Variants in RORA observed in about 807,000 individuals in gnomAD.
RORA encodes the protein RAR related orphan receptor A.
In RORA, 7 loss-of-function variants were observed where a neutral mutation model predicts 69.5. The ratio of observed to expected loss-of-function variants is 0.10; its 90% CI spans 0.06 to 0.19. The LOEUF is 0.19. RORA is among the 10% of genes least tolerant of loss of function. The pLI, the probability that RORA is intolerant of heterozygous loss-of-function variation, is 1.00. For missense variants in RORA, 457 were observed against 663.0 expected (o/e 0.69, Z 3.41); for synonymous variants, 261 against 240.8 (o/e 1.08, Z -0.78).
At chr15:61,004,580 G>A (rs1252895761) in intron 1 of RORA, among the ~76,000 whole-genome samples, 1 of 151,962 alleles carries the variant, frequency 6.6e-6, no homozygotes, top group Non-Finnish European at 1.5e-5. Context: ...GGCCTGGGAG[G>A]GTACTCTGAA....
intron 1 of RORA, among the ~76,000 whole-genome samples, chr15:60,815,969 T>TA (rs1225775872): frequency 2.5e-4 from 32 of 129,220 alleles, no homozygotes; most frequent in African/African-American, 8.0e-4. Flanking sequence ...AGTATATGTA[T>TA]TTATTTACTA....
chr15:60,707,839 T>G (rs563578789), intron 1 of RORA, among the ~76,000 whole-genome samples: 1 of 152,302 alleles, frequency 6.6e-6, no homozygotes, highest in East Asian at 1.9e-4. Context: ...CAGCCTGGAA[T>G]ATCACCCTAC....
At chr15:60,825,042 A>G (rs972192420) in intron 1 of RORA, among the ~76,000 whole-genome samples, 1 of 152,220 alleles carries the variant, frequency 6.6e-6, no homozygotes, top group African/African-American at 2.4e-5. Flanking sequence ...ACTTACCTCA[A>G]GTGATGAGAG....
rs78891754 is a variant in RORA, at chr15:60,864,751, A to G, written c.167-186065T>C. 8.1e-4 allele frequency among the ~76,000 whole-genome samples: 123 copies of G among 152,328 alleles called. 2 individuals carry two copies. The East Asian group carries it at 0.019, about 23-fold the overall frequency. ...ATACATATGAACTTACACATGATCTATCAGGAAGGAAGAAGACAGGAGCCC... is the reference window on the plus strand; with the variant it reads ...ATACATATGAACTTACACATGATCTGTCAGGAAGGAAGAAGACAGGAGCCC... On this transcript the variant is annotated intron_variant, in intron 1 of 10. Transcript: ENST00000335670.
At chr15:60,544,402 C>T (rs542643704) in intron 2 of RORA, among the ~76,000 whole-genome samples, 3 of 117,898 alleles carry the variant, frequency 2.5e-5, no homozygotes, top group East Asian at 4.2e-4. Context: ...CTGTTCTCTT[C>T]GAGATCCAGA....
intron 1 of RORA, among the ~76,000 whole-genome samples, chr15:61,027,180 T>C (rs1895865497): frequency 6.6e-6 from 1 of 152,242 alleles, no homozygotes; most frequent in African/African-American, 2.4e-5. Flanking sequence ...CATGCGCCAA[T>C]AGTATTAGTT....
intron 2 of RORA, among the ~76,000 whole-genome samples, chr15:60,554,928 T>G (rs1327669051): frequency 6.6e-6 from 1 of 152,044 alleles, no homozygotes; most frequent in Non-Finnish European, 1.5e-5. Context: ...TACCATAGGA[T>G]AAAATTAAAA....
intron 5 of RORA, among the ~76,000 whole-genome samples, chr15:60,507,762 A>T (rs2065557877): frequency 6.6e-6 from 1 of 152,164 alleles, no homozygotes; most frequent in Non-Finnish European, 1.5e-5. Context: ...AATGATGAAG[A>T]TGAAGAGTCT....
chr15:60,845,655 C>T (rs11630227), intron 1 of RORA, among the ~76,000 whole-genome samples: 78,417 of 152,080 alleles, frequency 0.52, 21,334 homozygotes, highest in Middle Eastern at 0.71. Context: ...ACTAACAGAA[C>T]CCATCTTCTA....
rs531426570 is a variant in RORA, at chr15:61,095,598, G to A, written c.166+133455C>T. Among the ~76,000 whole-genome samples the A allele has an allele frequency of 3.9e-5, 6 of 152,224 alleles. 2 individuals carry two copies. In the South Asian group the frequency reaches 1.2e-3, roughly 32 times the overall value. ...CCAATCTTATGGAGAATGAGGTTGT[G>A]CAAGGACACAAAATCTAAAAGTATA... On this transcript the variant is annotated intron_variant, in intron 1 of 10. Transcript: ENST00000335670.
intron 2 of RORA, among the ~76,000 whole-genome samples, chr15:60,607,841 G>C (rs1028875681): frequency 6.6e-6 from 1 of 152,184 alleles, no homozygotes; most frequent in Non-Finnish European, 1.5e-5. Context: ...GTTAAAGCAA[G>C]TTCAATGGGA....
chr15:60,698,873 A>T (rs1006585329), intron 1 of RORA, among the ~76,000 whole-genome samples: 21 of 152,056 alleles, frequency 1.4e-4, no homozygotes, highest in South Asian at 4.1e-4. Context: ...CTGCATTTTT[A>T]AAAAATTTTG....
intron 1 of RORA, among the ~76,000 whole-genome samples, chr15:60,787,397 A>C (rs1283282618): frequency 2.0e-5 from 3 of 152,208 alleles, no homozygotes; most frequent in African/African-American, 7.2e-5. Flanking sequence ...ATTTCTTCAC[A>C]ACATTTCCCC....
intron 1 of RORA, among the ~76,000 whole-genome samples, chr15:60,747,866 A>C (rs531168721): frequency 6.6e-6 from 1 of 152,324 alleles, no homozygotes; most frequent in African/African-American, 2.4e-5. Context: ...CTCAGAAAGA[A>C]AAAAAATAAT....
chr15:60,534,025 T>C lies in RORA; in HGVS notation c.197-2174A>G, dbSNP rs1464165676. Among the ~76,000 whole-genome samples, 2 of 152,218 alleles carry C rather than the reference T, an allele frequency of 1.3e-5. No homozygotes were observed. Among genetic ancestry groups the C allele is most frequent in the East Asian group, 3.8e-4 (2 of 5,200 alleles). ...GTCTATTTAGTCCTTTACAAGAATA[T>C]GAAGGCCCTGGGCAGGGCATATTGA... On this transcript the variant is annotated intron_variant, in intron 2 of 10. Coordinates refer to ENST00000335670, the MANE Select transcript of RORA (RefSeq NM_134261.3). The surrounding 1 kb of genome is among the most constrained non-coding windows in gnomAD (Gnocchi z 5.0).
intron 1 of RORA, among the ~76,000 whole-genome samples, chr15:60,995,002 C>T (rs55988712): frequency 0.12 from 18,766 of 152,104 alleles, 1,517 homozygotes; most frequent in Non-Finnish European, 0.18. Flanking sequence ...AGGAGTGTCT[C>T]TCTACAGACA....
intron 1 of RORA, among the ~76,000 whole-genome samples, chr15:61,188,621 T>A (rs112754085): frequency 0.037 from 5,677 of 152,174 alleles, 366 homozygotes; most frequent in African/African-American, 0.13. Flanking sequence ...AACTAGGAAA[T>A]AATCATTAAT....
intron 1 of RORA, among the ~76,000 whole-genome samples, chr15:60,849,948 T>A (rs545866837): frequency 6.6e-6 from 1 of 152,218 alleles, no homozygotes; most frequent in South Asian, 2.1e-4. Flanking sequence ...TTCCTGTCAT[T>A]GAGAGAAACA....
chr15:60,866,818 CT>C (rs2073493002), intron 1 of RORA, among the ~76,000 whole-genome samples: 1 of 54,922 alleles, frequency 1.8e-5, no homozygotes, highest in African/African-American at 5.7e-5. Flanking sequence ...TGTATCTTAT[CT>C]TTATCTATCT....
Sources: gnomAD v4.1 joint callset for allele counts (sites outside exome capture counted in the v4.1 genomes callset) on GRCh38, gnomAD v4.1.1 for gene constraint, Gnocchi (gnomAD v3.1) non-coding constraint, MANE v1.5 for transcripts, NCBI Gene and HGNC (gene_info 2026-07-23, HGNC 2026-07-21) for gene names.